The following PREP variants were observed in gnomAD, a reference collection of about 807,000 sequenced individuals.
PREP encodes the protein dJ355L5.1 (prolyl endopeptidase).
In PREP, 29 loss-of-function variants were observed where a neutral mutation model predicts 87.6. That is an observed-to-expected ratio of 0.33 (90% CI 0.25 to 0.45). PREP has a LOEUF of 0.45. Among genes scored for constraint, PREP ranks in the 20% least tolerant of loss-of-function variants. The pLI is 1.00. For missense variants in PREP, 695 were observed against 886.5 expected, an observed-to-expected ratio of 0.78 and a Z score of 2.74; for synonymous variants, 337 against 328.6, an observed-to-expected ratio of 1.03 and a Z score of -0.28.
chr6:105,373,508 T>G lies in PREP; in HGVS notation c.456A>C (p.Thr152=), dbSNP rs1772610383. ...GLSASGSDWV[T]IKFMKVDGAK... ...CACCATCAACTTTCATGAACTTGAT[T>G]GTCACCCAGTCTGAGCCACTGGCAC... is the stretch of plus-strand genomic sequence containing the variant. The change falls in exon 5 of 15, where the codon ACA becomes ACC. Residue 152 remains threonine (T), a synonymous_variant. Transcript: ENST00000652536. 6 of 1,614,226 alleles carry G rather than the reference T, an allele frequency of 3.7e-6. No homozygotes were observed. Among genetic ancestry groups the G allele is most frequent in the Non-Finnish European group, 5.1e-6 (6 of 1,180,034 alleles).
intron 6 of PREP, among the ~76,000 whole-genome samples, chr6:105,361,910 T>C (rs997614024): frequency 1.3e-5 from 2 of 152,140 alleles, no homozygotes; most frequent in Non-Finnish European, 2.9e-5. Flanking sequence ...CATGTGAGTA[T>C]GCATTAATAA....
chr6:105,331,960 A>C (rs750724093), intron 8 of PREP, among the ~76,000 whole-genome samples: 4 of 152,100 alleles, frequency 2.6e-5, no homozygotes, highest in Non-Finnish European at 5.9e-5. Flanking sequence ...AGTTAACGGG[A>C]CTGTGCCTGG....
At chr6:105,400,406 C>T (rs1391986472) in intron 1 of PREP, among the ~76,000 whole-genome samples, 2 of 152,172 alleles carry the variant, frequency 1.3e-5, no homozygotes, top group East Asian at 3.8e-4. Context: ...GCAAATTTAT[C>T]CATCTGTTGA....
At chr6:105,385,247 T>A (rs1185777458) in intron 2 of PREP, among the ~76,000 whole-genome samples, 2 of 149,372 alleles carry the variant, frequency 1.3e-5, no homozygotes, top group African/African-American at 5.0e-5. Context: ...AACTAGAAGC[T>A]TTTAAGCATG....
chr6:105,297,534 G>A (rs1646115548), intron 10 of PREP, among the ~76,000 whole-genome samples: 1 of 152,104 alleles, frequency 6.6e-6, no homozygotes, highest in Admixed American at 6.6e-5. Context: ...TTCCCATACT[G>A]TAACCAATGA....
intron 4 of PREP, among the ~76,000 whole-genome samples, chr6:105,374,965 T>C (rs544156301): frequency 1.2e-4 from 18 of 152,190 alleles, no homozygotes; most frequent in Admixed American, 2.0e-4. Flanking sequence ...TCCCTCTGGA[T>C]GGGCTGCAAG....
intron 10 of PREP, among the ~76,000 whole-genome samples, chr6:105,306,878 T>C (rs755695423): frequency 5.3e-5 from 8 of 152,258 alleles, no homozygotes; most frequent in Non-Finnish European, 8.8e-5. Context: ...CTGTCTCCCT[T>C]TCCAGGCTCA....
intron 10 of PREP, among the ~76,000 whole-genome samples, chr6:105,310,581 T>C (rs1280827660): frequency 6.6e-6 from 1 of 152,182 alleles, no homozygotes; most frequent in Admixed American, 6.5e-5. Context: ...CTGCTCTGCC[T>C]GGTGAGGTCT....
intron 10 of PREP, among the ~76,000 whole-genome samples, chr6:105,313,356 C>T (rs1364429221): frequency 6.6e-6 from 1 of 152,176 alleles, no homozygotes; most frequent in Non-Finnish European, 1.5e-5. Flanking sequence ...GGTGGACAGC[C>T]CACACGAAGC....
chr6:105,288,202 C>G (rs1202647241), intron 11 of PREP, among the ~76,000 whole-genome samples: 1 of 152,150 alleles, frequency 6.6e-6, no homozygotes, highest in African/African-American at 2.4e-5. Flanking sequence ...GCCATAGCCT[C>G]CCAATCCAGT....
In PREP at chr6:105,391,034, TACACACAC is replaced by T. The variant is rs59538588; in HGVS notation, c.120+6811_120+6818del. On this transcript the variant is annotated intron_variant, in intron 2 of 14. Coordinates refer to ENST00000652536, the MANE Select transcript of PREP (RefSeq NM_002726.5). Reference sequence around the variant, plus strand: ...TGATTTATCTAAGTCTCTGGTTTTATACACACACACACACACACACACACACTTTTTTT... The same window carrying T: ...TGATTTATCTAAGTCTCTGGTTTTATACACACACACACACACACTTTTTTT... Among the ~76,000 whole-genome samples the T allele has an allele frequency of 7.8e-5, 11 of 141,386 alleles. No individual in the cohort carries two copies. The South Asian group carries it at 1.4e-3, about 17-fold the overall frequency. 92.8% of individuals were successfully genotyped at this position (141,386 alleles called of 152,430 possible).
chr6:105,282,440 C>T lies in PREP; in HGVS notation c.1681+11G>A, dbSNP rs1770104481. 3 of 1,611,526 alleles carry T rather than the reference C, an allele frequency of 1.9e-6. No homozygotes were observed. In the East Asian group the frequency reaches 6.7e-5, roughly 36 times the overall value. On this transcript the variant is annotated intron_variant, in intron 13 of 14. Coordinates refer to ENST00000652536, the MANE Select transcript of PREP (RefSeq NM_002726.5). Reference sequence around the variant, plus strand: ...AACTAGTAAGTGCAATGAATAAAATCCAGTACTCACCCACTAAGAGGCCTC... The same window carrying T: ...AACTAGTAAGTGCAATGAATAAAATTCAGTACTCACCCACTAAGAGGCCTC...
chr6:105,393,968 T>C (rs1380835429), intron 2 of PREP, among the ~76,000 whole-genome samples: 2 of 152,142 alleles, frequency 1.3e-5, no homozygotes, highest in Non-Finnish European at 2.9e-5. Flanking sequence ...GCATGTATTT[T>C]ATGCTTACAA....
intron 6 of PREP, among the ~76,000 whole-genome samples, chr6:105,360,471 G>A (rs748932154): frequency 5.7e-4 from 87 of 152,258 alleles, no homozygotes; most frequent in South Asian, 1.7e-3. Context: ...TCAAAAGGTA[G>A]GACATAAGGT....
At chr6:105,301,320 CA>C (rs1389010673) in intron 10 of PREP, among the ~76,000 whole-genome samples, 1 of 152,174 alleles carries the variant, frequency 6.6e-6, no homozygotes, top group Non-Finnish European at 1.5e-5. Flanking sequence ...CTACGTGTGC[CA>C]AATAAATCTG....
intron 6 of PREP, among the ~76,000 whole-genome samples, chr6:105,367,667 G>T (rs1405660341): frequency 3.8e-5 from 5 of 131,374 alleles, no homozygotes; most frequent in African/African-American, 1.6e-4. Flanking sequence ...GCGAGACTCC[G>T]TCTCAAAAAA....
At chr6:105,382,171 A>G (rs1015086145) in intron 2 of PREP, among the ~76,000 whole-genome samples, 1 of 152,080 alleles carries the variant, frequency 6.6e-6, no homozygotes, top group Admixed American at 6.5e-5. Flanking sequence ...TGGTAAAAGG[A>G]CACAGAGTTT....
chr6:105,368,405 C>T (rs1263144670), intron 6 of PREP, among the ~76,000 whole-genome samples: 1 of 152,080 alleles, frequency 6.6e-6, no homozygotes, highest in Non-Finnish European at 1.5e-5. Context: ...TCAAGACCCC[C>T]AAGGAATATA....
intron 10 of PREP, among the ~76,000 whole-genome samples, chr6:105,319,185 A>G (rs546245064): frequency 7.7e-4 from 118 of 152,366 alleles, no homozygotes; most frequent in African/African-American, 2.7e-3. Flanking sequence ...TAATCCCCAG[A>G]AAAGCCAAAT....
Sources: gnomAD v4.1 joint callset for allele counts (sites outside exome capture counted in the v4.1 genomes callset) on GRCh38, gnomAD v4.1.1 for gene constraint, MANE v1.5 for transcripts, NCBI Gene and HGNC (gene_info 2026-07-23, HGNC 2026-07-21) for gene names.